The following TRPC4 variants were observed in gnomAD, a reference collection of about 807,000 sequenced individuals.
TRPC4 encodes transient receptor potential cation channel subfamily C member 4, also known as short transient receptor potential channel 4.
In TRPC4, 49 loss-of-function variants were observed where a neutral mutation model predicts 99.4. That is an observed-to-expected ratio of 0.49 (90% CI 0.39 to 0.63). The LOEUF (loss-of-function observed/expected upper bound fraction) is 0.63. Among genes scored for constraint, TRPC4 ranks in the 20% least tolerant of loss-of-function variants. TRPC4 has a pLI of 0.00. For missense variants in TRPC4, 898 were observed against 1,152.9 expected (o/e 0.78, Z 3.20); for synonymous variants, 454 against 425.9 (o/e 1.07, Z -0.81).
intron 4 of TRPC4, among the ~76,000 whole-genome samples, chr13:37,677,030 A>G (rs1052736684): frequency 5.3e-5 from 8 of 151,952 alleles, no homozygotes; most frequent in South Asian, 2.1e-4. Flanking sequence ...ATATATTGTA[A>G]TTGTCAACAT....
intron 4 of TRPC4, among the ~76,000 whole-genome samples, chr13:37,676,255 G>T (rs1447444720): frequency 3.8e-5 from 5 of 130,266 alleles, no homozygotes; most frequent in Non-Finnish European, 8.1e-5. Context: ...AAAAAATACC[G>T]AAAGCAGCCA....
rs528760271 is a variant in TRPC4, at chr13:37,828,073, G to A, written c.-28+41522C>T. 2.5e-3 allele frequency among the ~76,000 whole-genome samples: 380 copies of A among 152,308 alleles called. 1 individual carries two copies. Among genetic ancestry groups the A allele is most frequent in the African/African-American group, 8.9e-3 (371 of 41,562 alleles). Reference sequence around the variant, plus strand: ...GTCACCCCTTTCTTTGACTAGGAAAGGGAACTCCCTGACCCCTTGAGCTTC... The same window carrying A: ...GTCACCCCTTTCTTTGACTAGGAAAAGGAACTCCCTGACCCCTTGAGCTTC... On this transcript the variant is annotated intron_variant, in intron 1 of 10. Transcript: ENST00000379705.
At chr13:37,719,206 A>G (rs1381681770) in intron 3 of TRPC4, among the ~76,000 whole-genome samples, 2 of 152,052 alleles carry the variant, frequency 1.3e-5, no homozygotes, top group Non-Finnish European at 2.9e-5. Flanking sequence ...TCAAGAATGG[A>G]GATAAGTGGT....
intron 3 of TRPC4, among the ~76,000 whole-genome samples, chr13:37,745,285 C>T (rs1014462767): frequency 3.3e-5 from 5 of 151,408 alleles, no homozygotes; most frequent in African/African-American, 4.9e-5. Flanking sequence ...CAGCAGTTGG[C>T]CCTACGGGAC....
chr13:37,804,403 T>C (rs1321238654), intron 1 of TRPC4, among the ~76,000 whole-genome samples: 1 of 152,018 alleles, frequency 6.6e-6, no homozygotes, highest in Non-Finnish European at 1.5e-5. Flanking sequence ...TCCACATGCT[T>C]CCTTCCTGCC....
At chr13:37,815,546 T>A (rs950977463) in intron 1 of TRPC4, among the ~76,000 whole-genome samples, 1 of 151,866 alleles carries the variant, frequency 6.6e-6, no homozygotes, top group East Asian at 1.9e-4. Flanking sequence ...TAGTAAAGGA[T>A]GTATTCAATA....
intron 2 of TRPC4, among the ~76,000 whole-genome samples, chr13:37,771,456 C>A (rs1956547266): frequency 6.6e-6 from 1 of 151,480 alleles, no homozygotes; most frequent in Non-Finnish European, 1.5e-5. Context: ...TGTGATTGTT[C>A]CAGATAACCT....
chr13:37,680,503 G>T (rs755069456), intron 4 of TRPC4, among the ~76,000 whole-genome samples: 2 of 152,142 alleles, frequency 1.3e-5, no homozygotes, highest in Non-Finnish European at 2.9e-5. Context: ...AATTGCCAAC[G>T]ATTGCTTCTT....
At chr13:37,761,235 C>T (rs1367694753) in intron 2 of TRPC4, among the ~76,000 whole-genome samples, 2 of 151,890 alleles carry the variant, frequency 1.3e-5, no homozygotes, top group African/African-American at 4.8e-5. Flanking sequence ...TATACCTCAT[C>T]TCAGTCAATC....
At chr13:37,745,628 A>C (rs895530237) in intron 3 of TRPC4, among the ~76,000 whole-genome samples, 1 of 150,766 alleles carries the variant, frequency 6.6e-6, no homozygotes, top group Non-Finnish European at 1.5e-5. Flanking sequence ...GACCCCCTAA[A>C]GTTACAAGAC....
chr13:37,805,531 C>A (rs1957508966), intron 1 of TRPC4, among the ~76,000 whole-genome samples: 1 of 152,010 alleles, frequency 6.6e-6, no homozygotes, highest in East Asian at 1.9e-4. Flanking sequence ...AGAATGACTT[C>A]AGAAGGCCCA....
Position 37,806,617 on chromosome 13 carries a change from T to C in TRPC4, c.-27-23257A>G, listed in dbSNP as rs976666586. 2.0e-5 allele frequency among the ~76,000 whole-genome samples: 3 copies of C among 152,052 alleles called. No individual in the cohort carries two copies. The South Asian group carries it at 6.2e-4, about 31-fold the overall frequency. On this transcript the variant is annotated intron_variant, in intron 1 of 10. Transcript: ENST00000379705. ...CCATGGACAACTGCAATGACATTAGTGCACCTGAAAAAATATTCCTTTTGT... is the reference window on the plus strand; with the variant it reads ...CCATGGACAACTGCAATGACATTAGCGCACCTGAAAAAATATTCCTTTTGT...
At chr13:37,661,409 G>A (rs1303670231) in intron 6 of TRPC4, among the ~76,000 whole-genome samples, 1 of 152,214 alleles carries the variant, frequency 6.6e-6, no homozygotes, top group Non-Finnish European at 1.5e-5. Flanking sequence ...ATTGATTGCA[G>A]AGGAATCAGA....
At chr13:37,771,670 A>G (rs1355010847) in intron 2 of TRPC4, among the ~76,000 whole-genome samples, 1 of 151,668 alleles carries the variant, frequency 6.6e-6, no homozygotes, top group East Asian at 2.0e-4. Context: ...AGAAAAATTA[A>G]TAATAGACCA....
At chr13:37,735,897 A>G (rs1334610485) in intron 3 of TRPC4, among the ~76,000 whole-genome samples, 1 of 152,212 alleles carries the variant, frequency 6.6e-6, no homozygotes, top group East Asian at 1.9e-4. Flanking sequence ...TTGCTGTTTT[A>G]TGTTTTATAA....
At chr13:37,843,705 C>CACATAT (rs35659228) in intron 1 of TRPC4, among the ~76,000 whole-genome samples, 1 of 151,650 alleles carries the variant, frequency 6.6e-6, no homozygotes, top group African/African-American at 2.4e-5. Context: ...CACACACACA[C>CACATAT]GCACACATAC....
chr13:37,675,011 T>C (rs1295599572), intron 4 of TRPC4, among the ~76,000 whole-genome samples: 2 of 144,966 alleles, frequency 1.4e-5, no homozygotes, highest in Non-Finnish European at 2.9e-5. Context: ...CATTATCTTA[T>C]TAAAATTTTA....
intron 1 of TRPC4, among the ~76,000 whole-genome samples, chr13:37,866,192 T>A (rs1959734503): frequency 6.6e-6 from 1 of 151,862 alleles, no homozygotes. Context: ...GGCATATTTT[T>A]AAATTAATGT....
chr13:37,662,898 T>G (rs1593459950), intron 6 of TRPC4, among the ~76,000 whole-genome samples: 1 of 152,348 alleles, frequency 6.6e-6, no homozygotes, highest in East Asian at 1.9e-4. Context: ...GAGTTTTGTG[T>G]GCATGACAGT....
Sources: gnomAD v4.1 joint callset for allele counts (sites outside exome capture counted in the v4.1 genomes callset) on GRCh38, gnomAD v4.1.1 for gene constraint, MANE v1.5 for transcripts, NCBI Gene and HGNC (gene_info 2026-07-23, HGNC 2026-07-21) for gene names.